BRCA1: variants seen among roughly 807,000 people sequenced by gnomAD.
The protein encoded by BRCA1 is BRCA1 DNA repair associated.
In BRCA1, 140 loss-of-function variants were observed where a neutral mutation model predicts 173.7. That is an observed-to-expected ratio of 0.81 (90% confidence interval 0.70 to 0.93). BRCA1 has a LOEUF of 0.93. Ranked by LOEUF, BRCA1 falls within the 40% of genes least tolerant of loss-of-function variation. BRCA1 has a pLI of 0.00. For synonymous variants in BRCA1, 662 were observed against 756.0 expected, an observed-to-expected ratio of 0.88 and a Z score of 2.04; for missense variants, 1,983 against 2,172.5, an observed-to-expected ratio of 0.91 and a Z score of 1.73.
intron 1 of BRCA1, among the ~76,000 whole-genome samples, chr17:43,147,736 A>G (rs2056132824): frequency 6.6e-6 from 1 of 152,222 alleles, no homozygotes; most frequent in Non-Finnish European, 1.5e-5. Flanking sequence ...AATAAAAAAG[A>G]GAAAGTAGTG....
chr17:43,162,990 T>C (rs2056246318), intron 1 of BRCA1: 2 of 152,224 alleles, frequency 1.3e-5, no homozygotes, highest in African/African-American at 4.8e-5. Flanking sequence ...GTTTAGGGTG[T>C]TGCAAACTTC....
At chr17:43,131,806 CAG>C (rs1200973107) in intron 1 of BRCA1, among the ~76,000 whole-genome samples, 1 of 151,886 alleles carries the variant, frequency 6.6e-6, no homozygotes, top group Non-Finnish European at 1.5e-5. Flanking sequence ...TGTTTTGGGA[CAG>C]AGTCTCACTC....
chr17:43,111,564 G>A (rs922035779), intron 3 of BRCA1, among the ~76,000 whole-genome samples: 1 of 150,786 alleles, frequency 6.6e-6, no homozygotes, highest in African/African-American at 2.4e-5. Context: ...GCTCACACTT[G>A]TAATCCCAGA....
At chr17:43,069,658 A>T (rs2052298897) in intron 15 of BRCA1, among the ~76,000 whole-genome samples, 1 of 152,226 alleles carries the variant, frequency 6.6e-6, no homozygotes, top group African/African-American at 2.4e-5. Context: ...AAACATTTAT[A>T]GCCATCACTG....
chr17:43,088,453 G>A lies in BRCA1; in HGVS notation c.4185+2491C>T, dbSNP rs936519818. ...GAGTAACCAAATGTAACTATTCTAG[G>A]TATCTCATATAAGTGGAAGCATATA... is the stretch of plus-strand genomic sequence containing the variant. On this transcript the variant is annotated intron_variant, in intron 11 of 22. Coordinates refer to ENST00000357654, the MANE Select transcript of BRCA1 (RefSeq NM_007294.4). Among the ~76,000 whole-genome samples the A allele has an allele frequency of 9.9e-5, 15 of 151,834 alleles. 2 individuals are homozygous for A. The highest frequency in any genetic ancestry group is 9.8e-4 in the Admixed American group (15 of 15,242).
At chr17:43,163,487 T>C (rs776787861) in intron 1 of BRCA1, 1 of 152,252 alleles carries the variant, frequency 6.6e-6, no homozygotes, top group African/African-American at 2.4e-5. Context: ...GCTATTTGAT[T>C]TCAAGCTTTA....
chr17:43,100,618 A>ATATAT (rs1491529521), intron 6 of BRCA1, among the ~76,000 whole-genome samples: 7 of 64,738 alleles, frequency 1.1e-4, no homozygotes, highest in Admixed American at 2.0e-4. Flanking sequence ...ACATATATAT[A>ATATAT]ACATATATAT....
chr17:43,154,618 T>C (rs571078615), intron 1 of BRCA1, among the ~76,000 whole-genome samples: 1 of 152,250 alleles, frequency 6.6e-6, no homozygotes, highest in South Asian at 2.1e-4. Context: ...TACCTGTCTA[T>C]CCACAAAACC....
chr17:43,126,379 C>T (rs564964039), upstream of BRCA1, among the ~76,000 whole-genome samples: 3 of 152,316 alleles, frequency 2.0e-5, no homozygotes, highest in East Asian at 5.8e-4. Flanking sequence ...GTTAGATTCA[C>T]CCCACAGAGA....
In BRCA1 at chr17:43,091,636, G is replaced by A. The variant is rs80357038; in HGVS notation, c.3895C>T (p.Gln1299Ter). ...GTCAAGTCTTCCAATTCACTGCACT[G>A]TGAAGAAAACAAGCTAGCAGAACAT... ...TKCSASLFSSQCSELEDLTAN... is the reference protein window; with the variant it reads ...TKCSASLFSS The change falls in exon 10 of 23, where the codon CAG becomes TAG. Residue 1299 changes from glutamine to a stop codon, truncating the protein, a stop_gained. Transcript: ENST00000357654. LOFTEE classifies it high-confidence loss of function. 1 of 1,614,222 alleles carries A rather than the reference G, an allele frequency of 6.2e-7. No homozygotes were observed. Among genetic ancestry groups the A allele is most frequent in the South Asian group, 1.1e-5 (1 of 91,082 alleles).
intron 1 of BRCA1, among the ~76,000 whole-genome samples, chr17:43,135,529 G>A (rs557744855): frequency 6.6e-6 from 1 of 152,192 alleles, no homozygotes; most frequent in African/African-American, 2.4e-5. Flanking sequence ...AGAAGTCCAG[G>A]CCTAGTGTAG....
In BRCA1 at chr17:43,099,789, A is replaced by T. The variant is rs876660085; in HGVS notation, c.533T>A (p.Val178Asp). ...GAGACCCTTACCCAATTCAATGTAGACAGACGTCTTTTGAGGTTGTATCCG... is the reference window on the plus strand; with the variant it reads ...GAGACCCTTACCCAATTCAATGTAGTCAGACGTCTTTTGAGGTTGTATCCG... ...KQRIQPQKTS[V>D]YIELGSDSSE... Residue 178 changes from valine to aspartate, a missense_variant, in exon 7 of 23, where the codon GTC (valine) becomes GAC (aspartate). Physicochemically the swap from Val to Asp is radical, Grantham distance 152. Coordinates refer to ENST00000357654, the MANE Select transcript of BRCA1 (RefSeq NM_007294.4). 6.2e-7 allele frequency: 1 copy of T among 1,609,174 alleles called. No individual in the cohort carries two copies.
At position 43,092,196 on chromosome 17, in the gene BRCA1, TCTTG is replaced by T. The variant is rs80357701; in HGVS notation, c.3331_3334del (p.Gln1111AsnfsTer5). ...AACAGTCTGAACTACTTCTTCATAT[TCTTG>T]CTTTTTTATTTCAGGATGCTTACAA... is the stretch of plus-strand genomic sequence containing the variant. On this transcript the variant is annotated frameshift_variant, in exon 10 of 23. Transcript: ENST00000357654. LOFTEE classifies it high-confidence loss of function. 18 of 1,613,164 alleles carry T rather than the reference TCTTG, an allele frequency of 1.1e-5. No individual in the cohort carries two copies. Among genetic ancestry groups the T allele is most frequent in the Admixed American group, 1.7e-5 (1 of 59,998 alleles).
At chr17:43,061,002 T>C (rs913596438) in intron 18 of BRCA1, among the ~76,000 whole-genome samples, 3 of 152,044 alleles carry the variant, frequency 2.0e-5, no homozygotes, top group South Asian at 4.2e-4. Flanking sequence ...CACGCGTGCC[T>C]GTAATACCAG....
At chr17:43,114,075 A>C (rs1247971168) in intron 3 of BRCA1, among the ~76,000 whole-genome samples, 3 of 111,732 alleles carry the variant, frequency 2.7e-5, no homozygotes, top group Admixed American at 2.3e-4. Context: ...ACACCATCTC[A>C]AAAAAAAAAA....
At chr17:43,077,570 G>A (rs970954666) in intron 12 of BRCA1, among the ~76,000 whole-genome samples, 1 of 152,086 alleles carries the variant, frequency 6.6e-6, no homozygotes, top group African/African-American at 2.4e-5. Context: ...CTGACCTCAA[G>A]TGATCCACCC....
At chr17:43,131,920 A>G (rs1471230414) in intron 1 of BRCA1, among the ~76,000 whole-genome samples, 1 of 151,948 alleles carries the variant, frequency 6.6e-6, no homozygotes, top group African/African-American at 2.4e-5. Context: ...AGTAGCTGGG[A>G]CTACAGGCAT....
chr17:43,077,021 A>T lies in BRCA1; in HGVS notation c.4358-407T>A, dbSNP rs1210803157. On this transcript the variant is annotated intron_variant, in intron 12 of 22. Coordinates refer to ENST00000357654, the MANE Select transcript of BRCA1 (RefSeq NM_007294.4). Reference sequence around the variant, plus strand: ...AAGAGTACCGGAGAGCACAAAGTACATTATTTTCTCCATCCCTACTGCCTC... The same window carrying T: ...AAGAGTACCGGAGAGCACAAAGTACTTTATTTTCTCCATCCCTACTGCCTC... 2.6e-5 allele frequency among the ~76,000 whole-genome samples: 4 copies of T among 152,144 alleles called. No individual in the cohort carries two copies. In the East Asian group the frequency reaches 7.7e-4, roughly 29 times the overall value.
intron 1 of BRCA1, chr17:43,138,351 C>G: frequency 2.2e-6 from 1 of 448,940 alleles, no homozygotes. Flanking sequence ...CATTCCAGAA[C>G]AAACTCCAGG....
Sources: gnomAD v4.1 joint callset for allele counts (sites outside exome capture counted in the v4.1 genomes callset) on GRCh38, gnomAD v4.1.1 for gene constraint, MANE v1.5 for transcripts, NCBI Gene and HGNC (gene_info 2026-07-23, HGNC 2026-07-21) for gene names.